Variants in ARHGEF10L observed in about 807,000 individuals in gnomAD.
ARHGEF10L encodes Rho guanine nucleotide exchange factor 10 like, also known as rho guanine nucleotide exchange factor 10-like protein.
ARHGEF10L carries 69 observed loss-of-function variants against 141.2 expected under a neutral mutation model. The observed-to-expected ratio is 0.49, with a 90% confidence interval of 0.40 to 0.60. The LOEUF is 0.60. Ranked by LOEUF, ARHGEF10L falls within the 20% of genes least tolerant of loss-of-function variation. The pLI, the probability that ARHGEF10L is intolerant of heterozygous loss-of-function variation, is 0.00. For synonymous variants in ARHGEF10L, 711 were observed against 718.5 expected, an observed-to-expected ratio of 0.99 and a Z score of 0.17; for missense variants, 1,482 against 1,734.3, an observed-to-expected ratio of 0.85 and a Z score of 2.58.
intron 1 of ARHGEF10L, among the ~76,000 whole-genome samples, chr1:17,540,557 C>T (rs1348669308): frequency 6.6e-6 from 1 of 152,148 alleles, no homozygotes; most frequent in Non-Finnish European, 1.5e-5. Flanking sequence ...TGAAGACCAG[C>T]CCCCCTGGAG....
chr1:17,564,920 T>G (rs1254117532), intron 1 of ARHGEF10L, among the ~76,000 whole-genome samples: 3 of 152,250 alleles, frequency 2.0e-5, no homozygotes, highest in South Asian at 4.2e-4. Context: ...GTAATGCTTG[T>G]CATGAATGGG....
chr1:17,603,029 A>T lies in ARHGEF10L; in HGVS notation c.350-479A>T, dbSNP rs1312786832. 6.6e-6 allele frequency among the ~76,000 whole-genome samples: 1 copy of T among 151,842 alleles called. No homozygotes were observed. Among genetic ancestry groups the T allele is most frequent in the East Asian group, 1.9e-4 (1 of 5,138 alleles). On this transcript the variant is annotated intron_variant, in intron 5 of 28. Coordinates refer to ENST00000361221, the MANE Select transcript of ARHGEF10L (RefSeq NM_018125.4). The surrounding 1 kb of genome is among the most constrained non-coding windows in gnomAD (Gnocchi z 4.8). ...GGGGCCCAGGACCTAGGGAAGCATC[A>T]CAGGCCAGTGGGTCTCGTGACTTCT...
At chr1:17,515,448 C>T in the ARHGEF10L span, among the ~76,000 whole-genome samples, 1 of 151,878 alleles carries the variant, frequency 6.6e-6, no homozygotes, top group Non-Finnish European at 1.5e-5. Flanking sequence ...CGTGGGCCAC[C>T]ATGCCTGGCT....
chr1:17,682,137 G>A (rs2064174876), intron 26 of ARHGEF10L, among the ~76,000 whole-genome samples: 1 of 152,182 alleles, frequency 6.6e-6, no homozygotes, highest in Non-Finnish European at 1.5e-5. Flanking sequence ...GCCCTTCCTT[G>A]CTTTTCATCT....
chr1:17,637,661 G>A (rs1184171684), intron 18 of ARHGEF10L, among the ~76,000 whole-genome samples: 2 of 152,098 alleles, frequency 1.3e-5, no homozygotes, highest in African/African-American at 4.8e-5. Context: ...ACCATGCCCG[G>A]CTAATTTTTT....
chr1:17,652,108 C>T (rs549894845), intron 22 of ARHGEF10L, among the ~76,000 whole-genome samples: 5 of 152,318 alleles, frequency 3.3e-5, no homozygotes, highest in East Asian at 1.9e-4. Context: ...AGCAGTGGCC[C>T]AGACTATTTG....
intron 25 of ARHGEF10L, among the ~76,000 whole-genome samples, chr1:17,659,635 G>A (rs1447100116): frequency 1.3e-5 from 2 of 152,340 alleles, no homozygotes; most frequent in East Asian, 1.9e-4. Context: ...GTGGTGTGGA[G>A]GGTCCAGGGA....
At chr1:17,612,612 C>A (rs952467777) in intron 7 of ARHGEF10L, among the ~76,000 whole-genome samples, 1 of 152,230 alleles carries the variant, frequency 6.6e-6, no homozygotes, top group Non-Finnish European at 1.5e-5. Flanking sequence ...TATCCCCCAA[C>A]CTCATTCCAT....
Position 17,687,699 on chromosome 1 carries a change from C to T in ARHGEF10L, c.3136C>T (p.His1046Tyr). The change falls in exon 27 of 29, where the codon CAT (histidine) becomes TAT (tyrosine). Residue 1046 changes from histidine (H) to tyrosine (Y), a missense_variant. Physicochemically the swap from His to Tyr is moderately conservative, Grantham distance 83. Around this residue, in one of 3 missense-constraint regions of ARHGEF10L, gnomAD observed 858 missense variants for 966.3 expected, o/e 0.89. Transcript: ENST00000361221. ...CCTCTTCCACACTGAGACCCTGGAG[C>T]ATCTGCAAGAGATCAACATCGCCAC... ...IRLFHTETLEHLQEINIATRT... is the reference protein window; with the variant it reads ...IRLFHTETLEYLQEINIATRT... 1 of 1,604,838 alleles carries T rather than the reference C, an allele frequency of 6.2e-7. No homozygotes were observed. Among genetic ancestry groups the T allele is most frequent in the Non-Finnish European group, 8.5e-7 (1 of 1,174,894 alleles).
chr1:17,616,259 A>C, intron 9 of ARHGEF10L, 57 bp downstream of exon 9: 8 of 556,074 alleles, frequency 1.4e-5, no homozygotes, highest in Non-Finnish European at 2.5e-5. Flanking sequence ...GGGGTCGGGG[A>C]GGGTGGGATT....
At position 17,656,435 on chromosome 1, in the gene ARHGEF10L, G is replaced by C. The variant is rs987806497; in HGVS notation, c.2706-119G>C. The C allele has an allele frequency of 2.6e-5, 33 of 1,290,374 alleles. No individual in the cohort carries two copies. Among genetic ancestry groups the C allele is most frequent in the Non-Finnish European group, 3.4e-5 (32 of 928,018 alleles). The allele number at this position is 1,290,374 out of a possible 1,614,324, so 79.9% of individuals were successfully genotyped here. On this transcript the variant is annotated intron_variant, in intron 24 of 28. Transcript: ENST00000361221. This position sits in a 1 kb window ranked among gnomAD's most constrained non-coding sequence, Gnocchi z 4.9. The stretch of plus-strand genomic sequence containing the variant: ...GGAGCTATGGCCTGGCCACACAGCC[G>C]AAAGGCGTGGCTGAGAGGGGTCAGC...
At chr1:17,675,342 A>C (rs1013443682) in intron 26 of ARHGEF10L, among the ~76,000 whole-genome samples, 1 of 152,226 alleles carries the variant, frequency 6.6e-6, no homozygotes, top group Non-Finnish European at 1.5e-5. Flanking sequence ...ACCAAGGGGA[A>C]CTTAGAGTCT....
At chr1:17,675,788 GTTCA>G (rs2063634271) in intron 26 of ARHGEF10L, among the ~76,000 whole-genome samples, 2 of 148,040 alleles carry the variant, frequency 1.4e-5, no homozygotes, top group African/African-American at 2.5e-5. Flanking sequence ...GTGCAGGTGT[GTTCA>G]GGTGTAGGTA....
chr1:17,569,320 G>T (rs183855450), intron 1 of ARHGEF10L, among the ~76,000 whole-genome samples: 60 of 152,274 alleles, frequency 3.9e-4, no homozygotes, highest in African/African-American at 1.2e-3. Context: ...ATCACTGAGG[G>T]GTGTGGTTTG....
At chr1:17,695,612 G>T (rs928766425) in intron 28 of ARHGEF10L, among the ~76,000 whole-genome samples, 4 of 152,222 alleles carry the variant, frequency 2.6e-5, no homozygotes, top group Non-Finnish European at 5.9e-5. Flanking sequence ...TCCAGAGAAA[G>T]AAATAACTGA....
chr1:17,623,207 C>T lies in ARHGEF10L; in HGVS notation c.1200+32C>T, dbSNP rs1274451763. The T allele has an allele frequency of 1.2e-6, 2 of 1,604,184 alleles. No individual in the cohort carries two copies. Among genetic ancestry groups the T allele is most frequent in the Admixed American group, 3.4e-5 (2 of 58,632 alleles). ...GTCCCCAAACTTTTTCCCCAGCCCACCAAGGTAAAACCACAACCAGTCTGA... is the reference window on the plus strand; with the variant it reads ...GTCCCCAAACTTTTTCCCCAGCCCATCAAGGTAAAACCACAACCAGTCTGA... On this transcript the variant is annotated intron_variant, in intron 12 of 28. Coordinates refer to ENST00000361221, the MANE Select transcript of ARHGEF10L (RefSeq NM_018125.4). The surrounding 1 kb of genome is among the most constrained non-coding windows in gnomAD (Gnocchi z 4.7).
intron 1 of ARHGEF10L, among the ~76,000 whole-genome samples, chr1:17,557,218 C>A (rs2077364317): frequency 6.6e-6 from 1 of 151,682 alleles, no homozygotes; most frequent in South Asian, 2.1e-4. Flanking sequence ...TGGCATGCAC[C>A]TGTAATCCCA....
chr1:17,515,439 G>A, the ARHGEF10L span, among the ~76,000 whole-genome samples: 18 of 151,730 alleles, frequency 1.2e-4, no homozygotes, highest in South Asian at 2.1e-4. Flanking sequence ...GATTATAGGC[G>A]TGGGCCACCA....
chr1:17,634,633 G>C, intron 17 of ARHGEF10L, 71 bp downstream of exon 17: 1 of 1,588,764 alleles, frequency 6.3e-7, no homozygotes, highest in Non-Finnish European at 8.6e-7. Context: ...TGTGATTCTG[G>C]ATATGGGGCT....
Sources: allele counts gnomAD v4.1 joint callset (sites outside exome capture counted in the v4.1 genomes callset), GRCh38; gene constraint gnomAD v4.1.1; regional missense constraint gnomAD v4.1.1; non-coding constraint Gnocchi (gnomAD v3.1); transcripts MANE v1.5; gene names NCBI Gene and HGNC (gene_info 2026-07-23, HGNC 2026-07-21).